DTNB: variants seen among roughly 807,000 people sequenced by gnomAD.
DTNB encodes the protein DTN-B.
In DTNB, 63 loss-of-function variants were observed where a neutral mutation model predicts 90.7. The ratio of observed to expected loss-of-function variants is 0.69; its 90% CI spans 0.57 to 0.86. The LOEUF is 0.86. Ranked by LOEUF, DTNB falls within the 40% of genes least tolerant of loss-of-function variation. DTNB has a pLI of 0.00. For synonymous variants in DTNB, 277 were observed against 286.7 expected (o/e 0.97, Z 0.34); for missense variants, 744 against 807.1 (o/e 0.92, Z 0.95).
At chr2:25,455,878 C>T (rs774411947) in intron 10 of DTNB, among the ~76,000 whole-genome samples, 12 of 152,240 alleles carry the variant, frequency 7.9e-5, no homozygotes, top group Non-Finnish European at 1.8e-4. Flanking sequence ...CTAAATATCA[C>T]TACATGACCC....
At chr2:25,584,034 G>C (rs2061975326) in intron 6 of DTNB, among the ~76,000 whole-genome samples, 1 of 152,164 alleles carries the variant, frequency 6.6e-6, no homozygotes, top group South Asian at 2.1e-4. Flanking sequence ...GAAAATCACT[G>C]AACATCTCTG....
intron 4 of DTNB, among the ~76,000 whole-genome samples, chr2:25,617,688 T>G (rs966529070): frequency 5.9e-5 from 9 of 151,794 alleles, no homozygotes; most frequent in African/African-American, 2.2e-4. Flanking sequence ...AGACCAAGAG[T>G]TTGAGACCAG....
intron 15 of DTNB, among the ~76,000 whole-genome samples, chr2:25,425,120 A>G (rs2051104198): frequency 6.6e-6 from 1 of 152,216 alleles, no homozygotes; most frequent in Admixed American, 6.5e-5. Flanking sequence ...GTATCTGACA[A>G]CTATTAAGAG....
intron 15 of DTNB, among the ~76,000 whole-genome samples, chr2:25,420,798 G>A (rs1275666549): frequency 3.3e-5 from 5 of 152,148 alleles, no homozygotes; most frequent in Non-Finnish European, 7.3e-5. Flanking sequence ...CTGTCTTTTA[G>A]AACCTTATGG....
intron 8 of DTNB, among the ~76,000 whole-genome samples, chr2:25,551,502 G>C (rs986600421): frequency 1.3e-5 from 2 of 152,182 alleles, no homozygotes; most frequent in African/African-American, 4.8e-5. Context: ...TGTTCTGAAG[G>C]AGTTGGCTGA....
At chr2:25,456,526 T>C (rs2060053349) in intron 10 of DTNB, among the ~76,000 whole-genome samples, 1 of 152,184 alleles carries the variant, frequency 6.6e-6, no homozygotes, top group Non-Finnish European at 1.5e-5. Flanking sequence ...GGTAGGTTTC[T>C]TTTATGTTTG....
intron 9 of DTNB, among the ~76,000 whole-genome samples, chr2:25,525,223 A>G (rs1326650741): frequency 6.6e-6 from 1 of 152,254 alleles, no homozygotes; most frequent in East Asian, 1.9e-4. Flanking sequence ...AAGTAGTTTA[A>G]AAAGTATAAA....
chr2:25,526,396 T>TA (rs1491443224), intron 9 of DTNB, among the ~76,000 whole-genome samples: 1,059 of 34,660 alleles, frequency 0.031, 6 homozygotes, highest in Non-Finnish European at 0.038. Context: ...TATATATATA[T>TA]TTTTTTTTTT....
At chr2:25,648,993 C>CT (rs60749102) in intron 2 of DTNB, among the ~76,000 whole-genome samples, 1,038 of 94,048 alleles carry the variant, frequency 0.011, 120 homozygotes, top group East Asian at 0.03. Context: ...TCCTTCCTAC[C>CT]TTTTTTTTTT....
chr2:25,666,822 G>A (rs190463141), intron 1 of DTNB, among the ~76,000 whole-genome samples: 12 of 152,270 alleles, frequency 7.9e-5, no homozygotes, highest in Admixed American at 3.9e-4. Context: ...GGAGGATGAA[G>A]AAACGGAGAT....
chr2:25,568,156 C>CAAA (rs11315733), intron 8 of DTNB, among the ~76,000 whole-genome samples: 2 of 91,548 alleles, frequency 2.2e-5, no homozygotes, highest in Non-Finnish European at 4.9e-5. Flanking sequence ...GACTCCGTCT[C>CAAA]AAAAAAAAAA....
rs147016232 is a variant in DTNB, at chr2:25,419,539, G to A, written c.1555-4C>T. ...CTGCCTGCTTTTGCTCTTCCTCCTG[G>A]AGTGTTGAAGATGAAAAAAAAAGGC... On this transcript the variant is annotated splice_region_variant and splice_polypyrimidine_tract_variant and intron_variant, in intron 15 of 20. Coordinates refer to ENST00000406818, the MANE Select transcript of DTNB (RefSeq NM_021907.5). 5.7e-5 allele frequency: 88 copies of A among 1,555,476 alleles called. No homozygotes were observed. In the African/African-American group the frequency reaches 1.0e-3, roughly 18 times the overall value.
chr2:25,385,774 G>A lies in DTNB; in HGVS notation c.1825+1515C>T, dbSNP rs75189548. Among the ~76,000 whole-genome samples the A allele has an allele frequency of 1.1e-4, 16 of 152,290 alleles. No homozygotes were observed. In the East Asian group the frequency reaches 3.1e-3, roughly 29 times the overall value. ...CTTTCTTACTATGAGACACTGCTGAGGATTCCTATAAGCTTTACATTTTTG... is the reference window on the plus strand; with the variant it reads ...CTTTCTTACTATGAGACACTGCTGAAGATTCCTATAAGCTTTACATTTTTG... On this transcript the variant is annotated intron_variant, in intron 18 of 20. Coordinates refer to ENST00000406818, the MANE Select transcript of DTNB (RefSeq NM_021907.5).
chr2:25,576,156 C>CT (rs1252967014), intron 8 of DTNB, among the ~76,000 whole-genome samples: 5 of 150,122 alleles, frequency 3.3e-5, no homozygotes, highest in Non-Finnish European at 7.4e-5. Flanking sequence ...GCAAAAAGAA[C>CT]TTTAAGTCTT....
intron 10 of DTNB, among the ~76,000 whole-genome samples, chr2:25,465,577 T>G (rs1280007442): frequency 6.6e-6 from 1 of 152,186 alleles, no homozygotes; most frequent in Non-Finnish European, 1.5e-5. Flanking sequence ...CGCTCGGCCC[T>G]CTGCTCACCG....
rs746146564 is a variant in DTNB, at chr2:25,427,638, A to C, written c.1458-7T>G. On this transcript the variant is annotated splice_polypyrimidine_tract_variant and splice_region_variant and intron_variant, in intron 14 of 20. Coordinates refer to ENST00000406818, the MANE Select transcript of DTNB (RefSeq NM_021907.5). Reference sequence around the variant, plus strand: ...CAGTTCATCCTTCCTTTGCCTATCCAAGACGAGAAGCCTATCAGATAAAGA... The same window carrying C: ...CAGTTCATCCTTCCTTTGCCTATCCCAGACGAGAAGCCTATCAGATAAAGA... The C allele has an allele frequency of 6.2e-7, 1 of 1,612,140 alleles. No homozygotes were observed. Among genetic ancestry groups the C allele is most frequent in the Non-Finnish European group, 8.5e-7 (1 of 1,179,654 alleles).
At chr2:25,570,681 C>T (rs1399902799) in intron 8 of DTNB, among the ~76,000 whole-genome samples, 1 of 152,126 alleles carries the variant, frequency 6.6e-6, no homozygotes, top group East Asian at 1.9e-4. Context: ...CACTTGTTTT[C>T]CAGAACACAC....
At chr2:25,391,847 T>C (rs979399718) in intron 16 of DTNB, among the ~76,000 whole-genome samples, 1 of 152,168 alleles carries the variant, frequency 6.6e-6, no homozygotes, top group African/African-American at 2.4e-5. Context: ...GAAATCAAGA[T>C]GGAAATTTAA....
chr2:25,603,251 T>A (rs1215814879), intron 5 of DTNB, among the ~76,000 whole-genome samples: 1 of 152,252 alleles, frequency 6.6e-6, no homozygotes, highest in African/African-American at 2.4e-5. Flanking sequence ...TAATTAAGCA[T>A]GTTTTAATAC....
Sources: gnomAD v4.1 joint callset for allele counts (sites outside exome capture counted in the v4.1 genomes callset) on GRCh38, gnomAD v4.1.1 for gene constraint, MANE v1.5 for transcripts, NCBI Gene and HGNC (gene_info 2026-07-23, HGNC 2026-07-21) for gene names.